The following KATNIP variants were observed in gnomAD, a reference collection of about 807,000 sequenced individuals.
The protein encoded by KATNIP is katanin-interacting protein.
In KATNIP, 126 loss-of-function variants were observed where a neutral mutation model predicts 174.0. The ratio of observed to expected loss-of-function variants is 0.72; its 90% CI spans 0.63 to 0.84. The LOEUF (loss-of-function observed/expected upper bound fraction) is 0.84. KATNIP is among the 40% of genes least tolerant of loss of function. The pLI, the probability that KATNIP is intolerant of heterozygous loss-of-function variation, is 0.00. For synonymous variants in KATNIP, 810 were observed against 835.7 expected (o/e 0.97, Z 0.53); for missense variants, 1,958 against 2,109.7 (o/e 0.93, Z 1.41).
intron 1 of KATNIP, among the ~76,000 whole-genome samples, chr16:27,565,422 C>T (rs565049587): frequency 7.6e-4 from 113 of 149,598 alleles, no homozygotes; most frequent in Non-Finnish European, 9.0e-4. Flanking sequence ...GGCGAGATTG[C>T]GCCACTGCAC....
chr16:27,670,722 C>T (rs1281483693), intron 6 of KATNIP, among the ~76,000 whole-genome samples: 1 of 152,190 alleles, frequency 6.6e-6, no homozygotes, highest in African/African-American at 2.4e-5. Context: ...CATTCCCCGC[C>T]ACTCCTCTAG....
chr16:27,563,891 TAAAAA>T (rs58505514), intron 1 of KATNIP, among the ~76,000 whole-genome samples: 3 of 66,710 alleles, frequency 4.5e-5, no homozygotes, highest in Non-Finnish European at 7.5e-5. Context: ...TCTAGTAAAT[TAAAAA>T]AAAAAAAAAA....
chr16:27,747,986 G>C (rs915638588), intron 15 of KATNIP, among the ~76,000 whole-genome samples: 9 of 152,186 alleles, frequency 5.9e-5, no homozygotes, highest in African/African-American at 2.2e-4. Flanking sequence ...AGCCCCCTAG[G>C]AGACAGGCAG....
chr16:27,569,702 C>G (rs958545244), intron 1 of KATNIP, among the ~76,000 whole-genome samples: 2 of 152,134 alleles, frequency 1.3e-5, no homozygotes, highest in Admixed American at 6.6e-5. Flanking sequence ...GTCTTCGCAT[C>G]GAGCTAATCT....
At chr16:27,652,047 A>C (rs1331932585) in intron 6 of KATNIP, among the ~76,000 whole-genome samples, 2 of 152,206 alleles carry the variant, frequency 1.3e-5, no homozygotes, top group Non-Finnish European at 2.9e-5. Flanking sequence ...ATACACTAAC[A>C]GTGACCAGAG....
chr16:27,673,959 A>C (rs1031244207), intron 6 of KATNIP, among the ~76,000 whole-genome samples: 6 of 152,126 alleles, frequency 3.9e-5, no homozygotes, highest in African/African-American at 1.4e-4. Flanking sequence ...TCGAGCACCT[A>C]CTATGTGCCA....
chr16:27,768,941 T>A (rs1177085840), intron 20 of KATNIP, among the ~76,000 whole-genome samples: 2 of 152,162 alleles, frequency 1.3e-5, no homozygotes, highest in Non-Finnish European at 2.9e-5. Flanking sequence ...GGCTAAGGTG[T>A]CGAGGAGAAC....
At chr16:27,567,989 A>T (rs1387433479) in intron 1 of KATNIP, among the ~76,000 whole-genome samples, 1 of 152,232 alleles carries the variant, frequency 6.6e-6, no homozygotes, top group African/African-American at 2.4e-5. Context: ...ATAGGAAAAT[A>T]AAAATAAAAA....
chr16:27,555,867 C>T (rs865942193), intron 1 of KATNIP, among the ~76,000 whole-genome samples: 10 of 151,412 alleles, frequency 6.6e-5, no homozygotes, highest in Admixed American at 3.9e-4. Context: ...CAGCCAGGCG[C>T]GGTGGCTCAT....
chr16:27,557,696 A>G (rs2089687732), intron 1 of KATNIP, among the ~76,000 whole-genome samples: 1 of 151,982 alleles, frequency 6.6e-6, no homozygotes, highest in Non-Finnish European at 1.5e-5. Context: ...CCAAGTTGCT[A>G]AGATTACAGG....
intron 19 of KATNIP, among the ~76,000 whole-genome samples, chr16:27,765,731 T>G (rs2082098561): frequency 6.6e-6 from 1 of 152,236 alleles, no homozygotes; most frequent in Admixed American, 6.5e-5. Flanking sequence ...TTTTCACTTT[T>G]GCACACTCTC....
intron 6 of KATNIP, among the ~76,000 whole-genome samples, chr16:27,671,770 A>C (rs2077913536): frequency 6.6e-6 from 1 of 152,132 alleles, no homozygotes; most frequent in African/African-American, 2.4e-5. Flanking sequence ...AAAAGCAGAA[A>C]TCAGGCCAGG....
intron 5 of KATNIP, among the ~76,000 whole-genome samples, chr16:27,633,817 G>A (rs140350174): frequency 6.6e-6 from 1 of 152,182 alleles, no homozygotes; most frequent in Admixed American, 6.5e-5. Context: ...CTAAGGAAGA[G>A]GGCAGGCTGG....
At chr16:27,771,439 G>A (rs764599836) in intron 21 of KATNIP, 149 bp from the exon 22 acceptor site, 10 of 657,138 alleles carry the variant, frequency 1.5e-5, no homozygotes, top group East Asian at 1.2e-4. Context: ...AACTCCACAC[G>A]AGCAGGGGCC....
At chr16:27,655,541 C>A (rs144695233) in intron 6 of KATNIP, among the ~76,000 whole-genome samples, 1 of 151,890 alleles carries the variant, frequency 6.6e-6, no homozygotes, top group Non-Finnish European at 1.5e-5. Context: ...TGAGCCGCTG[C>A]GCCTGGCCAG....
At chr16:27,705,892 G>A (rs1283686774) in intron 12 of KATNIP, among the ~76,000 whole-genome samples, 1 of 152,018 alleles carries the variant, frequency 6.6e-6, no homozygotes, top group African/African-American at 2.4e-5. Flanking sequence ...TGCCCAGGCT[G>A]GTCTTGAACT....
chr16:27,687,827 C>T (rs888256909), intron 8 of KATNIP, among the ~76,000 whole-genome samples: 9 of 152,206 alleles, frequency 5.9e-5, no homozygotes, highest in Non-Finnish European at 1.3e-4. Flanking sequence ...TTTGACAGCC[C>T]TGTACTTAGT....
intron 2 of KATNIP, among the ~76,000 whole-genome samples, chr16:27,601,906 T>C (rs966945680): frequency 6.6e-6 from 1 of 151,816 alleles, no homozygotes; most frequent in Non-Finnish European, 1.5e-5. Flanking sequence ...TGTTGGGAGG[T>C]CCATTTCATT....
At chr16:27,729,388 C>T (rs140237768) in intron 14 of KATNIP, among the ~76,000 whole-genome samples, 208 of 152,266 alleles carry the variant, frequency 1.4e-3, no homozygotes, top group African/African-American at 4.6e-3. Flanking sequence ...TGCATTGCTA[C>T]CTGGGGTGGG....
Sources: allele counts gnomAD v4.1 joint callset (sites outside exome capture counted in the v4.1 genomes callset), GRCh38; gene constraint gnomAD v4.1.1; transcripts MANE v1.5; gene names NCBI Gene and HGNC (gene_info 2026-07-23, HGNC 2026-07-21).